The following TMEM52B variants were observed in gnomAD, a reference collection of about 807,000 sequenced individuals.
The protein encoded by TMEM52B is chromosome 12 open reading frame 59.
TMEM52B carries 11 observed loss-of-function variants against 16.1 expected under a neutral mutation model. That is an observed-to-expected ratio of 0.68 (90% CI 0.43 to 1.13). TMEM52B has a LOEUF of 1.13. Among genes scored for constraint, TMEM52B ranks in the 50% most tolerant of loss-of-function variants. The probability of loss-of-function intolerance (pLI) is 0.00; values close to 1 mark genes in which losing one functional copy is unlikely to be tolerated. For synonymous variants in TMEM52B, 101 were observed against 93.8 expected, an observed-to-expected ratio of 1.08 and a Z score of -0.45; for missense variants, 243 against 230.4, an observed-to-expected ratio of 1.05 and a Z score of -0.35.
chr12:10,187,290 C>T (rs1278583719), intron 4 of TMEM52B, among the ~76,000 whole-genome samples: 5 of 151,836 alleles, frequency 3.3e-5, no homozygotes, highest in Non-Finnish European at 4.4e-5. Context: ...TTAGTAGACA[C>T]GAGGTTTCAC....
chr12:10,170,981 C>G (rs1316489678), intron 1 of TMEM52B: 1 of 151,994 alleles, frequency 6.6e-6, no homozygotes, highest in Admixed American at 6.6e-5. Context: ...CAGTAGGTAC[C>G]GATCTAACCA....
upstream of TMEM52B, among the ~76,000 whole-genome samples, chr12:10,178,541 A>G (rs892540575): frequency 4.4e-4 from 62 of 141,070 alleles, no homozygotes; most frequent in Middle Eastern, 3.6e-3. Flanking sequence ...AAAAAAAAAA[A>G]GTATTCTATG....
chr12:10,182,022 A>T, intron 1 of TMEM52B: 1 of 347,810 alleles, frequency 2.9e-6, no homozygotes, highest in Non-Finnish European at 3.1e-6. Flanking sequence ...GCAAGACTCA[A>T]AAAAAAAAAA....
At chr12:10,171,261 C>T (rs1472211174) in intron 1 of TMEM52B, among the ~76,000 whole-genome samples, 2 of 152,108 alleles carry the variant, frequency 1.3e-5, no homozygotes, top group African/African-American at 2.4e-5. Context: ...TCTGACAATA[C>T]TTGTCTCTCT....
intron 1 of TMEM52B, among the ~76,000 whole-genome samples, chr12:10,172,734 A>T (rs35795236): frequency 2.6e-4 from 40 of 152,316 alleles, no homozygotes; most frequent in African/African-American, 9.6e-4. Context: ...TAGTTTCAGT[A>T]CTTTCCTTTA....
chr12:10,174,695 A>G (rs959152844), upstream of TMEM52B, among the ~76,000 whole-genome samples: 10 of 152,184 alleles, frequency 6.6e-5, no homozygotes, highest in African/African-American at 2.4e-4. Flanking sequence ...GTATGTACAC[A>G]GCGTATTGAT....
intron 2 of TMEM52B, among the ~76,000 whole-genome samples, chr12:10,184,078 C>T (rs1948853323): frequency 6.6e-6 from 1 of 152,092 alleles, no homozygotes; most frequent in South Asian, 2.1e-4. Flanking sequence ...TCATCAATGG[C>T]CAATGATTTA....
At chr12:10,178,177 G>C (rs530442969), upstream of TMEM52B, among the ~76,000 whole-genome samples, 486 of 151,808 alleles carry the variant, frequency 3.2e-3, 3 homozygotes, top group African/African-American at 0.01. Context: ...TTACAGGCAT[G>C]AGCCATGGCA....
At chr12:10,185,780 C>T (rs1408010510) in intron 3 of TMEM52B, among the ~76,000 whole-genome samples, 1 of 152,128 alleles carries the variant, frequency 6.6e-6, no homozygotes. Context: ...CGGTGGCTCA[C>T]ACCTGTAATC....
At chr12:10,182,256 T>A in intron 1 of TMEM52B, 1 of 985,000 alleles carries the variant, frequency 1.0e-6, no homozygotes, top group Non-Finnish European at 1.2e-6. Flanking sequence ...GATCAGGAAT[T>A]TTCTACTACA....
At chr12:10,185,454 A>G in intron 3 of TMEM52B, 86 bp downstream of exon 3, 2 of 971,748 alleles carry the variant, frequency 2.1e-6, no homozygotes, top group East Asian at 2.4e-5. Context: ...TTAGCATCTC[A>G]TGGAGTAAGA....
chr12:10,189,968 A>G lies in TMEM52B; in HGVS notation c.380A>G (p.Gln127Arg). 1.2e-6 allele frequency: 2 copies of G among 1,614,170 alleles called. No homozygotes were observed. Among genetic ancestry groups the G allele is most frequent in the Non-Finnish European group, 1.7e-6 (2 of 1,180,038 alleles). ...AVAHSHSSLG[Q>R]LPSSLDTLPG... ...GCTCACTCCCACAGCTCCCTGGGCC[A>G]GCTGCCCTCCTCTTTGGACACCCTC... is the stretch of plus-strand genomic sequence containing the variant. The change falls in exon 5 of 5, where the codon CAG becomes CGG. Residue 127 changes from glutamine to arginine, a missense_variant. By Grantham distance (43) the Gln-to-Arg change is conservative. Transcript: ENST00000543484.
intron 1 of TMEM52B, among the ~76,000 whole-genome samples, chr12:10,171,612 G>T (rs1360717023): frequency 3.3e-5 from 5 of 152,190 alleles, no homozygotes; most frequent in South Asian, 2.1e-4. Context: ...ATAAATGGGA[G>T]TTTGTGGTAC....
intron 1 of TMEM52B, among the ~76,000 whole-genome samples, chr12:10,171,478 C>T (rs2137527805): frequency 6.6e-6 from 1 of 152,304 alleles, no homozygotes; most frequent in African/African-American, 2.4e-5. Context: ...ATATCATTTA[C>T]TTTGCCTGCA....
At chr12:10,178,662 A>AG (rs56110550), upstream of TMEM52B, among the ~76,000 whole-genome samples, 5 of 150,138 alleles carry the variant, frequency 3.3e-5, no homozygotes, top group South Asian at 2.1e-4. Flanking sequence ...AGAGAGAGAG[A>AG]AAGAGAGAGA....
rs5796383 is a variant in TMEM52B at position 10,173,763 on chromosome 12, T to TA, written c.-95+2930dup. On this transcript the variant is annotated intron_variant, in intron 1 of 5. Transcript: ENST00000381923. The stretch of plus-strand genomic sequence containing the variant: ...CTGGGCAACAGAGCGAGACTCCCTT[T>TA]AAAAAAAAAAAAAAAAAAGAATTAA... Among the ~76,000 whole-genome samples the TA allele has an allele frequency of 5.9e-3, 768 of 130,298 alleles. 6 individuals carry two copies. The highest frequency in any genetic ancestry group is 0.016 in the African/African-American group (562 of 34,718). The allele number at this position is 130,298 out of a possible 152,430, so 85.5% of individuals were successfully genotyped here. A position where few individuals can be genotyped will look rare whatever the true frequency, so the allele number is the denominator to read the frequency against.
At chr12:10,187,928 G>A (rs970233376) in intron 4 of TMEM52B, among the ~76,000 whole-genome samples, 3 of 151,878 alleles carry the variant, frequency 2.0e-5, no homozygotes, top group African/African-American at 7.3e-5. Flanking sequence ...GTGAAACCTC[G>A]TCTCTACTAA....
At chr12:10,187,480 C>T (rs1017566818) in intron 4 of TMEM52B, among the ~76,000 whole-genome samples, 1 of 152,148 alleles carries the variant, frequency 6.6e-6, no homozygotes, top group Non-Finnish European at 1.5e-5. Flanking sequence ...TCTCAGCTCA[C>T]TGCAACCTCC....
upstream of TMEM52B, among the ~76,000 whole-genome samples, chr12:10,177,827 A>T (rs1176416969): frequency 6.7e-6 from 1 of 149,770 alleles, no homozygotes; most frequent in Non-Finnish European, 1.5e-5. Context: ...TTTTTATTAA[A>T]CATTTGGTAT....
Sources: allele counts gnomAD v4.1 joint callset (sites outside exome capture counted in the v4.1 genomes callset), GRCh38; gene constraint gnomAD v4.1.1; transcripts MANE v1.5; gene names NCBI Gene and HGNC (gene_info 2026-07-23, HGNC 2026-07-21).